PARD3B: variants seen among roughly 807,000 people sequenced by gnomAD.
PARD3B encodes the protein par-3 family cell polarity regulator beta, also known as partitioning defective 3 homolog B.
Under a neutral mutation model 130.2 loss-of-function variants are expected in PARD3B, and 103 were observed. That is an observed-to-expected ratio of 0.79 (90% CI 0.67 to 0.93). The LOEUF is 0.93. Ranked by LOEUF, PARD3B falls within the 40% of genes least tolerant of loss-of-function variation. The pLI is 0.00. For missense variants in PARD3B, 1,609 were observed against 1,499.2 expected, an observed-to-expected ratio of 1.07 and a Z score of -1.21; for synonymous variants, 583 against 553.2, an observed-to-expected ratio of 1.05 and a Z score of -0.76.
chr2:205,100,024 T>A (rs540243905), intron 4 of PARD3B, among the ~76,000 whole-genome samples: 6 of 152,314 alleles, frequency 3.9e-5, no homozygotes, highest in African/African-American at 1.4e-4. Flanking sequence ...TTTGGCCCAA[T>A]ATTACTTTCA....
intron 2 of PARD3B, among the ~76,000 whole-genome samples, chr2:204,697,833 A>G (rs557826784): frequency 6.6e-6 from 1 of 152,098 alleles, no homozygotes; most frequent in South Asian, 2.1e-4. Context: ...TGTTACTAAT[A>G]TTTGGTTCCC....
At chr2:205,450,783 C>T (rs2048073323) in intron 20 of PARD3B, among the ~76,000 whole-genome samples, 1 of 152,136 alleles carries the variant, frequency 6.6e-6, no homozygotes, top group Admixed American at 6.5e-5. Context: ...GCCCAACAGG[C>T]AGATTCTGTT....
chr2:205,041,792 G>C (rs1698412717), intron 3 of PARD3B, among the ~76,000 whole-genome samples: 1 of 152,080 alleles, frequency 6.6e-6, no homozygotes, highest in African/African-American at 2.4e-5. Flanking sequence ...TGTAACTTTT[G>C]ATGTGGGGCT....
rs963534111 is a variant in PARD3B at position 204,688,925 on chromosome 2, T to G, written c.222+2643T>G. ...CACGGATAGATGCACATAATCATTG[T>G]GCTAACCCCAAAATATCTCACCTCC... On this transcript the variant is annotated intron_variant, in intron 2 of 22. Transcript: ENST00000406610. 9.8e-5 allele frequency among the ~76,000 whole-genome samples: 15 copies of G among 152,298 alleles called. No homozygotes were observed. In the East Asian group the frequency reaches 2.9e-3, roughly 30 times the overall value.
At chr2:204,633,742 G>A (rs1032156912) in intron 1 of PARD3B, among the ~76,000 whole-genome samples, 2 of 152,146 alleles carry the variant, frequency 1.3e-5, no homozygotes, top group Admixed American at 1.3e-4. Flanking sequence ...AACCCAGGAG[G>A]CAGAGGTTGC....
chr2:205,468,403 A>G (rs771387927), intron 20 of PARD3B, among the ~76,000 whole-genome samples: 3 of 152,214 alleles, frequency 2.0e-5, no homozygotes, highest in African/African-American at 4.8e-5. Context: ...CAGTAAACCA[A>G]TCATCCCTCA....
chr2:204,871,086 G>A (rs1453140554), intron 2 of PARD3B, among the ~76,000 whole-genome samples: 1 of 152,106 alleles, frequency 6.6e-6, no homozygotes, highest in Non-Finnish European at 1.5e-5. Context: ...GGGAAATGCA[G>A]TTTGCAGTAA....
intron 2 of PARD3B, among the ~76,000 whole-genome samples, chr2:204,751,170 T>C (rs959787991): frequency 6.6e-6 from 1 of 152,120 alleles, no homozygotes; most frequent in Non-Finnish European, 1.5e-5. Context: ...CAGCTTCTTT[T>C]TTTGACTTGT....
Position 205,407,194 on chromosome 2 carries a change from G to A in PARD3B, c.2741+6071G>A, listed in dbSNP as rs1226120004. Among the ~76,000 whole-genome samples, 1 of 152,122 alleles carries A rather than the reference G, an allele frequency of 6.6e-6. No homozygotes were observed. Among genetic ancestry groups the A allele is most frequent in the Non-Finnish European group, 1.5e-5 (1 of 68,016 alleles). On this transcript the variant is annotated intron_variant, in intron 19 of 22. Transcript: ENST00000406610. The surrounding 1 kb of genome is among the most constrained non-coding windows in gnomAD (Gnocchi z 4.1). ...TTTCTTGCTCAAGATTGTGTGGTAG[G>A]ATTTTCTTAATCTCAAGTAAGAGAT...
chr2:204,911,565 C>A (rs2047237670), intron 2 of PARD3B, among the ~76,000 whole-genome samples: 1 of 152,068 alleles, frequency 6.6e-6, no homozygotes, highest in Non-Finnish European at 1.5e-5. Context: ...GAGCATTAAC[C>A]AGAAATTTTC....
intron 2 of PARD3B, among the ~76,000 whole-genome samples, chr2:204,832,131 C>T (rs1482115420): frequency 6.6e-6 from 1 of 151,976 alleles, no homozygotes; most frequent in Non-Finnish European, 1.5e-5. Flanking sequence ...GAGGCTGAGG[C>T]AGGAGAATGG....
chr2:204,696,223 T>C lies in PARD3B; in HGVS notation c.222+9941T>C, dbSNP rs561401322. On this transcript the variant is annotated intron_variant, in intron 2 of 22. Coordinates refer to ENST00000406610, the MANE Select transcript of PARD3B (RefSeq NM_001302769.2). ...AATGGAAAGTTGTGAGAAAAACAGC[T>C]GACCTTCCGTTAAATCATGACCTGA... Among the ~76,000 whole-genome samples the C allele has an allele frequency of 5.3e-4, 81 of 152,022 alleles. 1 individual carries two copies. In the South Asian group the frequency reaches 0.016, roughly 30 times the overall value.
chr2:205,212,078 AC>A (rs2037669792), intron 15 of PARD3B, among the ~76,000 whole-genome samples: 1 of 152,082 alleles, frequency 6.6e-6, no homozygotes, highest in Non-Finnish European at 1.5e-5. Flanking sequence ...CTTTCTCTGT[AC>A]CCAGAAAGGC....
At chr2:205,097,172 T>C (rs1702448982) in intron 4 of PARD3B, among the ~76,000 whole-genome samples, 1 of 152,198 alleles carries the variant, frequency 6.6e-6, no homozygotes, top group African/African-American at 2.4e-5. Context: ...CATCTAGTTA[T>C]ATGTGAAATA....
intron 15 of PARD3B, among the ~76,000 whole-genome samples, chr2:205,197,182 A>G (rs1388356014): frequency 6.6e-6 from 1 of 152,028 alleles, no homozygotes; most frequent in Non-Finnish European, 1.5e-5. Context: ...CTAACTTCCT[A>G]AAAGTTTTTT....
At chr2:204,566,674 A>G (rs2031689434) in intron 1 of PARD3B, among the ~76,000 whole-genome samples, 1 of 152,214 alleles carries the variant, frequency 6.6e-6, no homozygotes, top group South Asian at 2.1e-4. Context: ...AAATTACTAA[A>G]TATCTATAAA....
At chr2:204,923,732 C>T (rs2047770851) in intron 2 of PARD3B, among the ~76,000 whole-genome samples, 1 of 151,970 alleles carries the variant, frequency 6.6e-6, no homozygotes, top group African/African-American at 2.4e-5. Flanking sequence ...AACAATATGA[C>T]ACCACTGATG....
In PARD3B at chr2:204,906,361, T is replaced by C. The variant is rs1186987985; in HGVS notation, c.223-58791T>C. ...TCACATAAACAGTGAAAATTGTAGT[T>C]AGAATGCTAAAGCCCATTTTCCCCC... is the stretch of plus-strand genomic sequence containing the variant. On this transcript the variant is annotated intron_variant, in intron 2 of 22. Coordinates refer to ENST00000406610, the MANE Select transcript of PARD3B (RefSeq NM_001302769.2). This position sits in a 1 kb window ranked among gnomAD's most constrained non-coding sequence, Gnocchi z 4.3. Among the ~76,000 whole-genome samples the C allele has an allele frequency of 6.6e-6, 1 of 152,156 alleles. No individual in the cohort carries two copies. The highest frequency in any genetic ancestry group is 1.5e-5 in the Non-Finnish European group (1 of 68,012).
intron 22 of PARD3B, among the ~76,000 whole-genome samples, chr2:205,583,624 A>G (rs1167580661): frequency 6.6e-6 from 1 of 152,172 alleles, no homozygotes; most frequent in Non-Finnish European, 1.5e-5. Context: ...TTATTTATCT[A>G]TTTCACAGTT....
Sources: gnomAD v4.1 joint callset for allele counts (sites outside exome capture counted in the v4.1 genomes callset) on GRCh38, gnomAD v4.1.1 for gene constraint, Gnocchi (gnomAD v3.1) non-coding constraint, MANE v1.5 for transcripts, NCBI Gene and HGNC (gene_info 2026-07-23, HGNC 2026-07-21) for gene names.